The following CFAP299 variants were observed in gnomAD, a reference collection of about 807,000 sequenced individuals.
The protein encoded by CFAP299 is cilia and flagella associated protein 299, also known as cilia- and flagella-associated protein 299.
Under a neutral mutation model 27.0 loss-of-function variants are expected in CFAP299, and 21 were observed. The observed-to-expected ratio is 0.78, with a 90% confidence interval of 0.55 to 1.12. The LOEUF is 1.12. Among genes scored for constraint, CFAP299 ranks in the 50% most tolerant of loss-of-function variants. The pLI is 0.00. For synonymous variants in CFAP299, 104 were observed against 98.1 expected, an observed-to-expected ratio of 1.06 and a Z score of -0.36; for missense variants, 310 against 276.6, an observed-to-expected ratio of 1.12 and a Z score of -0.86.
At chr4:80,834,618 G>A (rs1456127961) in intron 3 of CFAP299, among the ~76,000 whole-genome samples, 2 of 152,168 alleles carry the variant, frequency 1.3e-5, no homozygotes, top group African/African-American at 4.8e-5. Flanking sequence ...TTTCTACTTA[G>A]AATTGCTATG....
At chr4:80,663,921 G>A (rs554622943) in intron 3 of CFAP299, among the ~76,000 whole-genome samples, 16 of 152,038 alleles carry the variant, frequency 1.1e-4, no homozygotes, top group Admixed American at 5.2e-4. Flanking sequence ...TTTGTTGGCC[G>A]CATAATGTCT....
chr4:80,423,825 G>C (rs1161814785), intron 2 of CFAP299, among the ~76,000 whole-genome samples: 2 of 152,154 alleles, frequency 1.3e-5, no homozygotes, highest in Non-Finnish European at 2.9e-5. Flanking sequence ...GGCTCTGGGA[G>C]ACTGGCTGAG....
intron 4 of CFAP299, among the ~76,000 whole-genome samples, chr4:80,927,888 A>G (rs1043723718): frequency 1.3e-5 from 2 of 152,168 alleles, no homozygotes; most frequent in Admixed American, 6.6e-5. Context: ...TTTTTACCAA[A>G]GCACATAACA....
chr4:80,741,742 G>A (rs1299525812), intron 3 of CFAP299, among the ~76,000 whole-genome samples: 2 of 152,164 alleles, frequency 1.3e-5, no homozygotes, highest in Non-Finnish European at 2.9e-5. Context: ...TTCTAAGCCA[G>A]TGTAGCACAA....
chr4:80,539,897 C>T (rs1465393308), intron 2 of CFAP299, among the ~76,000 whole-genome samples: 1 of 152,084 alleles, frequency 6.6e-6, no homozygotes, highest in East Asian at 1.9e-4. Context: ...TTAGAGGTGT[C>T]CAAGATGAGG....
At chr4:80,480,136 A>T (rs1730481285) in intron 2 of CFAP299, among the ~76,000 whole-genome samples, 2 of 151,996 alleles carry the variant, frequency 1.3e-5, no homozygotes, top group African/African-American at 4.8e-5. Context: ...TTCTTCAAAA[A>T]TGCTCCTTAT....
chr4:80,488,986 A>C (rs1730977467), intron 2 of CFAP299, among the ~76,000 whole-genome samples: 1 of 152,150 alleles, frequency 6.6e-6, no homozygotes, highest in Admixed American at 6.5e-5. Flanking sequence ...GATCCTTTGT[A>C]CTGATTCACC....
At chr4:80,359,645 T>C (rs2109994775) in intron 1 of CFAP299, among the ~76,000 whole-genome samples, 1 of 152,326 alleles carries the variant, frequency 6.6e-6, no homozygotes, top group Non-Finnish European at 1.5e-5. Flanking sequence ...AATGAAATTC[T>C]CATATTGTGT....
At chr4:80,915,458 C>G (rs1735696131) in intron 4 of CFAP299, among the ~76,000 whole-genome samples, 1 of 151,844 alleles carries the variant, frequency 6.6e-6, no homozygotes, top group Non-Finnish European at 1.5e-5. Flanking sequence ...TTTTGATGTA[C>G]TGGTTCCTTG....
Position 80,356,481 on chromosome 4 carries a change from T to G in CFAP299, c.112-6273T>G, listed in dbSNP as rs148700773. Among the ~76,000 whole-genome samples the G allele has an allele frequency of 2.2e-3, 335 of 152,328 alleles. 1 individual carries two copies. Among genetic ancestry groups the G allele is most frequent in the African/African-American group, 7.6e-3 (314 of 41,584 alleles). On this transcript the variant is annotated intron_variant, in intron 1 of 5. Transcript: ENST00000358105. ...CCTATCCATGAGCATGAAGTGTTTT[T>G]CCGTCTGCTTGTGTCCTGTCTAATT...
At chr4:80,600,654 T>G (rs1471752558) in intron 3 of CFAP299, among the ~76,000 whole-genome samples, 1 of 152,136 alleles carries the variant, frequency 6.6e-6, no homozygotes, top group Non-Finnish European at 1.5e-5. Flanking sequence ...CTGTGGTTAT[T>G]TGCTTTCTTC....
At chr4:80,859,405 T>C (rs982335451) in intron 3 of CFAP299, among the ~76,000 whole-genome samples, 1 of 152,186 alleles carries the variant, frequency 6.6e-6, no homozygotes, top group Non-Finnish European at 1.5e-5. Flanking sequence ...ATTTAGTCCA[T>C]TTACATTTAA....
intron 3 of CFAP299, among the ~76,000 whole-genome samples, chr4:80,698,491 TGTA>T (rs1721254877): frequency 6.6e-6 from 1 of 152,226 alleles, no homozygotes; most frequent in African/African-American, 2.4e-5. Flanking sequence ...ATTAATTTAG[TGTA>T]GTAAATATTT....
intron 2 of CFAP299, among the ~76,000 whole-genome samples, chr4:80,561,454 C>G (rs755722044): frequency 9.2e-5 from 14 of 152,062 alleles, no homozygotes; most frequent in Admixed American, 1.3e-4. Flanking sequence ...AACATGACCT[C>G]ATCAAATGAA....
At chr4:80,864,941 T>G (rs1732635692) in intron 3 of CFAP299, among the ~76,000 whole-genome samples, 1 of 152,160 alleles carries the variant, frequency 6.6e-6, no homozygotes, top group African/African-American at 2.4e-5. Context: ...TATTACTAAC[T>G]TACCAGTGTC....
rs1360004053 is a variant in CFAP299, at chr4:80,799,825, T to TA, written c.334-70167dup. Among the ~76,000 whole-genome samples the TA allele has an allele frequency of 5.7e-3, 220 of 38,644 alleles. 4 individuals carry two copies. The highest frequency in any genetic ancestry group is 0.029 in the Middle Eastern group (1 of 34). The allele number at this position is 38,644 out of a possible 152,430, so 25.4% of individuals were successfully genotyped here. A position where few individuals can be genotyped will look rare whatever the true frequency, so the allele number is the denominator to read the frequency against. On this transcript the variant is annotated intron_variant, in intron 3 of 5. Transcript: ENST00000358105. The stretch of plus-strand genomic sequence containing the variant: ...ATAATATATAAATATATATATTATA[T>TA]ATATTTATATATTATATTATATAAT...
chr4:80,671,880 T>A (rs968598059), intron 3 of CFAP299, among the ~76,000 whole-genome samples: 5 of 152,214 alleles, frequency 3.3e-5, no homozygotes, highest in African/African-American at 1.2e-4. Context: ...GCTTATCAGC[T>A]TAAGGAGATT....
chr4:80,904,206 C>T (rs1057164736), intron 4 of CFAP299, among the ~76,000 whole-genome samples: 7 of 152,014 alleles, frequency 4.6e-5, no homozygotes, highest in Admixed American at 1.3e-4. Flanking sequence ...TCACATTAAC[C>T]GTATTAGAGG....
At chr4:80,566,892 G>C (rs1345454257) in intron 2 of CFAP299, among the ~76,000 whole-genome samples, 1 of 152,026 alleles carries the variant, frequency 6.6e-6, no homozygotes, top group East Asian at 1.9e-4. Flanking sequence ...TCCCCTGAAA[G>C]TGTGAGACTA....
Sources: allele counts gnomAD v4.1 joint callset (sites outside exome capture counted in the v4.1 genomes callset), GRCh38; gene constraint gnomAD v4.1.1; transcripts MANE v1.5; gene names NCBI Gene and HGNC (gene_info 2026-07-23, HGNC 2026-07-21).